OPCML: variants seen among roughly 807,000 people sequenced by gnomAD.
OPCML encodes opioid binding protein/cell adhesion molecule like.
A neutral mutation model predicts 37.8 loss-of-function variants in OPCML; 13 were observed. That is an observed-to-expected ratio of 0.34 (90% CI 0.22 to 0.55). The LOEUF (loss-of-function observed/expected upper bound fraction) is 0.55. Ranked by LOEUF, OPCML falls within the 20% of genes least tolerant of loss-of-function variation. The pLI, the probability that OPCML is intolerant of heterozygous loss-of-function variation, is 0.91. For synonymous variants in OPCML, 176 were observed against 168.8 expected, an observed-to-expected ratio of 1.04 and a Z score of -0.33; for missense variants, 341 against 435.6, an observed-to-expected ratio of 0.78 and a Z score of 1.93.
chr11:132,500,381 T>C (rs1592272132), intron 4 of OPCML, among the ~76,000 whole-genome samples: 1 of 152,124 alleles, frequency 6.6e-6, no homozygotes, highest in African/African-American at 2.4e-5. Context: ...TTAGTCAAAA[T>C]TTGGAAACAC....
chr11:132,647,401 C>G, intron 3 of OPCML, among the ~76,000 whole-genome samples: 1 of 152,178 alleles, frequency 6.6e-6, no homozygotes, highest in East Asian at 1.9e-4. Context: ...GGGTAATGAC[C>G]CCCACACAGT....
At chr11:133,003,084 G>T (rs1947039750) in intron 1 of OPCML, among the ~76,000 whole-genome samples, 1 of 152,174 alleles carries the variant, frequency 6.6e-6, no homozygotes, top group Admixed American at 6.5e-5. Context: ...AAACACAGCA[G>T]AAAACTTGAA....
At chr11:133,097,370 C>T (rs1408959051) in intron 1 of OPCML, among the ~76,000 whole-genome samples, 1 of 152,170 alleles carries the variant, frequency 6.6e-6, no homozygotes, top group African/African-American at 2.4e-5. Context: ...GAACTTATCA[C>T]ATGCGTGTGA....
chr11:132,508,580 T>TG (rs1565623090), intron 4 of OPCML, among the ~76,000 whole-genome samples: 1 of 152,176 alleles, frequency 6.6e-6, no homozygotes, highest in East Asian at 1.9e-4. Context: ...CCATGTGTTG[T>TG]GGGAGGGACC....
intron 1 of OPCML, among the ~76,000 whole-genome samples, chr11:133,518,356 G>T (rs1164860849): frequency 6.6e-6 from 1 of 150,646 alleles, no homozygotes; most frequent in East Asian, 1.9e-4. Flanking sequence ...TGCTCATATG[G>T]GTGGGTGGTG....
intron 3 of OPCML, among the ~76,000 whole-genome samples, chr11:132,581,764 A>G (rs2137636907): frequency 6.6e-6 from 1 of 152,230 alleles, no homozygotes; most frequent in South Asian, 2.1e-4. Flanking sequence ...GTCTGCTGGG[A>G]GAAACTGGGC....
intron 4 of OPCML, among the ~76,000 whole-genome samples, chr11:132,486,797 T>C (rs2096201301): frequency 6.6e-6 from 1 of 152,176 alleles, no homozygotes; most frequent in Non-Finnish European, 1.5e-5. Context: ...GTCAGCATTC[T>C]TGGTTTCAAT....
chr11:132,490,627 G>A (rs953138466), intron 4 of OPCML, among the ~76,000 whole-genome samples: 2 of 151,890 alleles, frequency 1.3e-5, no homozygotes, highest in Admixed American at 6.6e-5. Context: ...GACCAACCTG[G>A]CTAACACAGT....
intron 2 of OPCML, among the ~76,000 whole-genome samples, chr11:132,938,081 T>A (rs1945452142): frequency 1.3e-5 from 2 of 151,878 alleles, no homozygotes; most frequent in Non-Finnish European, 2.9e-5. Context: ...TTGAAGACAA[T>A]AAAATTGTTT....
chr11:133,283,450 T>C (rs1942216143), intron 1 of OPCML, among the ~76,000 whole-genome samples: 1 of 151,934 alleles, frequency 6.6e-6, no homozygotes. Flanking sequence ...CTGCTGTGAT[T>C]AGAAGCTTCC....
chr11:133,234,549 C>T (rs949794602), intron 1 of OPCML, among the ~76,000 whole-genome samples: 1 of 152,252 alleles, frequency 6.6e-6, no homozygotes, highest in Non-Finnish European at 1.5e-5. Context: ...GCACAGGCCT[C>T]CTGATGGCGC....
chr11:132,833,255 T>C (rs570988378), intron 2 of OPCML, among the ~76,000 whole-genome samples: 2 of 152,330 alleles, frequency 1.3e-5, no homozygotes, highest in South Asian at 2.1e-4. Flanking sequence ...ATAAGCTTCT[T>C]ATATTTTCTC....
intron 1 of OPCML, among the ~76,000 whole-genome samples, chr11:133,512,377 GGAAT>G (rs1204958133): frequency 6.6e-6 from 1 of 152,216 alleles, no homozygotes; most frequent in African/African-American, 2.4e-5. Context: ...CCAGATGGAA[GGAAT>G]GAATGGAGTA....
intron 1 of OPCML, chr11:133,300,913 T>C (rs1417615937): frequency 6.6e-6 from 1 of 152,130 alleles, no homozygotes; most frequent in African/African-American, 2.4e-5. Context: ...AGAAAAGGAC[T>C]CTCCTGAGAG....
At chr11:133,362,373 G>C (rs1471298295) in intron 1 of OPCML, among the ~76,000 whole-genome samples, 4 of 152,190 alleles carry the variant, frequency 2.6e-5, no homozygotes, top group Non-Finnish European at 5.9e-5. Context: ...CTCCTGGACG[G>C]TGTCTCTTCC....
At chr11:133,396,653 G>A (rs920929649) in intron 1 of OPCML, among the ~76,000 whole-genome samples, 1 of 152,194 alleles carries the variant, frequency 6.6e-6, no homozygotes, top group Non-Finnish European at 1.5e-5. Context: ...GGGATGCGGT[G>A]ATAATACTGG....
At chr11:132,899,675 A>T (rs1014744203) in intron 2 of OPCML, among the ~76,000 whole-genome samples, 1 of 152,012 alleles carries the variant, frequency 6.6e-6, no homozygotes, top group Admixed American at 6.5e-5. Flanking sequence ...ATAAAGCATT[A>T]TTTTGGGGTG....
intron 1 of OPCML, among the ~76,000 whole-genome samples, chr11:133,194,238 T>A (rs548573025): frequency 4.1e-5 from 6 of 146,484 alleles, no homozygotes; most frequent in South Asian, 4.4e-4. Flanking sequence ...AGATGGAGTT[T>A]CACTCTGGTT....
At chr11:132,537,813 A>T (rs2096344997) in intron 3 of OPCML, among the ~76,000 whole-genome samples, 1 of 152,208 alleles carries the variant, frequency 6.6e-6, no homozygotes. Flanking sequence ...ACATAAGAAG[A>T]TGTTTAGCAC....
Sources: allele counts gnomAD v4.1 joint callset (sites outside exome capture counted in the v4.1 genomes callset), GRCh38; gene constraint gnomAD v4.1.1; transcripts MANE v1.5; gene names NCBI Gene and HGNC (gene_info 2026-07-23, HGNC 2026-07-21).